Variants in MIPOL1 observed in about 807,000 individuals in gnomAD.
MIPOL1 encodes mirror-image polydactyly gene 1 protein.
MIPOL1 carries 57 observed loss-of-function variants against 60.9 expected under a neutral mutation model. The observed-to-expected ratio is 0.94, with a 90% CI of 0.76 to 1.17. The LOEUF (loss-of-function observed/expected upper bound fraction) is 1.17, where lower values mean the gene tolerates loss of function less well. Ranked by LOEUF, MIPOL1 falls within the 50% of genes most tolerant of loss-of-function variation. The pLI, the probability that MIPOL1 is intolerant of heterozygous loss-of-function variation, is 0.00. For synonymous variants in MIPOL1, 179 were observed against 168.8 expected, an observed-to-expected ratio of 1.06 and a Z score of -0.47; for missense variants, 551 against 511.6, an observed-to-expected ratio of 1.08 and a Z score of -0.74.
chr14:37,252,999 T>C (rs1411275143), intron 3 of MIPOL1, among the ~76,000 whole-genome samples: 1 of 151,848 alleles, frequency 6.6e-6, no homozygotes, highest in Non-Finnish European at 1.5e-5. Context: ...TATGATTATA[T>C]ACTCCTTGAA....
At chr14:37,329,622 C>T (rs1450927129) in intron 9 of MIPOL1, among the ~76,000 whole-genome samples, 3 of 152,000 alleles carry the variant, frequency 2.0e-5, no homozygotes, top group Admixed American at 6.6e-5. Flanking sequence ...GTTGAGATTA[C>T]AACATTTATA....
intron 7 of MIPOL1, among the ~76,000 whole-genome samples, chr14:37,287,827 C>A (rs2084705447): frequency 6.6e-6 from 1 of 151,966 alleles, no homozygotes; most frequent in Non-Finnish European, 1.5e-5. Flanking sequence ...CAGGGTTTCA[C>A]CATGTTGCCC....
At chr14:37,285,926 GT>G (rs1349401026) in intron 7 of MIPOL1, among the ~76,000 whole-genome samples, 4 of 152,028 alleles carry the variant, frequency 2.6e-5, no homozygotes, top group African/African-American at 9.7e-5. Flanking sequence ...TGGCATGCTA[GT>G]TTGCCTGTCA....
intron 10 of MIPOL1, among the ~76,000 whole-genome samples, chr14:37,390,301 C>A (rs1232353936): frequency 2.6e-5 from 4 of 151,936 alleles, no homozygotes; most frequent in Non-Finnish European, 5.9e-5. Flanking sequence ...ATGATCAGCC[C>A]CACTTTATCT....
chr14:37,258,903 A>G (rs992030302), intron 3 of MIPOL1, among the ~76,000 whole-genome samples: 2 of 152,128 alleles, frequency 1.3e-5, no homozygotes, highest in African/African-American at 4.8e-5. Context: ...TTTATCTGAA[A>G]AAAAAAAGAA....
intron 12 of MIPOL1, among the ~76,000 whole-genome samples, chr14:37,543,341 T>A (rs754667466): frequency 6.6e-6 from 1 of 152,140 alleles, no homozygotes; most frequent in Non-Finnish European, 1.5e-5. Flanking sequence ...AATGGTGTGA[T>A]CTCAGTTCAC....
chr14:37,491,238 G>A (rs2095043281), intron 11 of MIPOL1, among the ~76,000 whole-genome samples: 1 of 152,136 alleles, frequency 6.6e-6, no homozygotes, highest in Non-Finnish European at 1.5e-5. Context: ...TTAATAGTTG[G>A]ATATTTCTGG....
At chr14:37,467,741 T>C (rs1051932190) in intron 11 of MIPOL1, among the ~76,000 whole-genome samples, 2 of 152,052 alleles carry the variant, frequency 1.3e-5, no homozygotes, top group African/African-American at 4.8e-5. Flanking sequence ...GATAAAATGG[T>C]GAGTAAAACC....
chr14:37,251,652 C>A (rs930341030), intron 3 of MIPOL1, among the ~76,000 whole-genome samples: 2 of 151,250 alleles, frequency 1.3e-5, no homozygotes, highest in Admixed American at 1.3e-4. Flanking sequence ...CTTTTTTGTA[C>A]TTACTTATAT....
At chr14:37,532,472 T>G (rs1166034903) in intron 12 of MIPOL1, among the ~76,000 whole-genome samples, 2 of 152,188 alleles carry the variant, frequency 1.3e-5, no homozygotes, top group African/African-American at 4.8e-5. Flanking sequence ...TGAGAAATAT[T>G]AACTGTGAAG....
intron 1 of MIPOL1, among the ~76,000 whole-genome samples, chr14:37,237,968 A>G (rs966766163): frequency 6.6e-6 from 1 of 151,306 alleles, no homozygotes; most frequent in Non-Finnish European, 1.5e-5. Context: ...AAATTTTGAA[A>G]TTTTTTTCTT....
intron 1 of MIPOL1, among the ~76,000 whole-genome samples, chr14:37,239,156 C>T (rs969608612): frequency 7.9e-5 from 12 of 151,392 alleles, no homozygotes; most frequent in African/African-American, 2.4e-4. Context: ...CACCTTTCTC[C>T]TGCCTCAGCC....
chr14:37,437,384 G>A (rs2094177930), intron 11 of MIPOL1, among the ~76,000 whole-genome samples: 1 of 145,436 alleles, frequency 6.9e-6, no homozygotes, highest in African/African-American at 2.5e-5. Flanking sequence ...TATCAAGCTT[G>A]GTTAGTTGTT....
chr14:37,463,779 G>C (rs946361048), intron 11 of MIPOL1, among the ~76,000 whole-genome samples: 9 of 152,048 alleles, frequency 5.9e-5, no homozygotes, highest in Non-Finnish European at 1.2e-4. Flanking sequence ...AAACTAAAAA[G>C]CTTCTTGACA....
At chr14:37,480,725 A>G (rs2094849716) in intron 11 of MIPOL1, among the ~76,000 whole-genome samples, 1 of 152,200 alleles carries the variant, frequency 6.6e-6, no homozygotes, top group South Asian at 2.1e-4. Context: ...GGCAAGAGAA[A>G]GAAATAAAAG....
At chr14:37,531,473 TTAATA>T (rs1233143592) in intron 12 of MIPOL1, among the ~76,000 whole-genome samples, 2 of 152,002 alleles carry the variant, frequency 1.3e-5, no homozygotes, top group Non-Finnish European at 2.9e-5. Context: ...AATATATATA[TTAATA>T]TATTACTAGC....
At chr14:37,266,601 T>C (rs2082890860) in intron 3 of MIPOL1, among the ~76,000 whole-genome samples, 1 of 152,102 alleles carries the variant, frequency 6.6e-6, no homozygotes, top group Non-Finnish European at 1.5e-5. Context: ...AAAAAACTCT[T>C]AGGCCCCACA....
At chr14:37,366,644 C>T (rs989447820) in intron 9 of MIPOL1, among the ~76,000 whole-genome samples, 10 of 152,064 alleles carry the variant, frequency 6.6e-5, no homozygotes, top group East Asian at 5.8e-4. Flanking sequence ...CGAAATGTTC[C>T]GTAACTGTCT....
chr14:37,215,412 G>T (rs1339828304), intron 1 of MIPOL1, among the ~76,000 whole-genome samples: 1 of 151,822 alleles, frequency 6.6e-6, no homozygotes, highest in Non-Finnish European at 1.5e-5. Flanking sequence ...CGCACACGGG[G>T]AGAAAAACCC....
Sources: allele counts gnomAD v4.1 joint callset (sites outside exome capture counted in the v4.1 genomes callset), GRCh38; gene constraint gnomAD v4.1.1; transcripts MANE v1.5; gene names NCBI Gene and HGNC (gene_info 2026-07-23, HGNC 2026-07-21).